FNBP1: variants seen among roughly 807,000 people sequenced by gnomAD.
FNBP1 encodes formin-binding protein 1.
Under a neutral mutation model 90.6 loss-of-function variants are expected in FNBP1, and 26 were observed. That is an observed-to-expected ratio of 0.29 (90% confidence interval 0.21 to 0.40). The LOEUF is 0.40. FNBP1 is among the 10% of genes least tolerant of loss of function. The pLI, the probability that FNBP1 is intolerant of heterozygous loss-of-function variation, is 1.00. For missense variants in FNBP1, 635 were observed against 768.0 expected, an observed-to-expected ratio of 0.83 and a Z score of 2.05; for synonymous variants, 260 against 265.2, an observed-to-expected ratio of 0.98 and a Z score of 0.19.
At chr9:130,050,236 G>A in the FNBP1 span, among the ~76,000 whole-genome samples, 30 of 152,290 alleles carry the variant, frequency 2.0e-4, no homozygotes, top group Admixed American at 1.8e-3. Flanking sequence ...GGAACTCCAT[G>A]GTGAGTGAAA....
At chr9:130,017,908 C>A (rs1589289456) in intron 1 of FNBP1, among the ~76,000 whole-genome samples, 3 of 115,186 alleles carry the variant, frequency 2.6e-5, no homozygotes, top group Non-Finnish European at 1.8e-5. Flanking sequence ...CCCAATACAA[C>A]ACTCTTCTTT....
At chr9:130,011,972 T>C (rs929387960) in intron 1 of FNBP1, among the ~76,000 whole-genome samples, 4 of 152,050 alleles carry the variant, frequency 2.6e-5, no homozygotes, top group African/African-American at 7.3e-5. Context: ...AACAACAAGG[T>C]AGGAATAGTA....
intron 2 of FNBP1, among the ~76,000 whole-genome samples, chr9:129,992,325 C>G (rs74708711): frequency 0.066 from 10,025 of 152,232 alleles, 441 homozygotes; most frequent in Admixed American, 0.12. Flanking sequence ...TGTTCTATTC[C>G]TACTTTCAGT....
chr9:130,026,965 CAA>C (rs765168982), intron 1 of FNBP1, among the ~76,000 whole-genome samples: 64 of 75,968 alleles, frequency 8.4e-4, no homozygotes, highest in Non-Finnish European at 8.4e-4. Context: ...GACCCTGTCT[CAA>C]AAAAAAAAAA....
At chr9:129,948,127 G>A (rs373597258) in intron 6 of FNBP1, among the ~76,000 whole-genome samples, 13 of 151,676 alleles carry the variant, frequency 8.6e-5, no homozygotes, top group South Asian at 4.2e-4. Context: ...CCGTCTCTAC[G>A]CTGTGCATGG....
chr9:130,028,881 C>T (rs1454297932), intron 1 of FNBP1, among the ~76,000 whole-genome samples: 4 of 152,184 alleles, frequency 2.6e-5, no homozygotes, highest in African/African-American at 9.7e-5. Flanking sequence ...GCTCCAGATG[C>T]ATATACTAGG....
chr9:129,926,893 A>AAAAAAAAAAAAG, intron 8 of FNBP1, among the ~76,000 whole-genome samples: 1 of 148,842 alleles, frequency 6.7e-6, no homozygotes, highest in African/African-American at 2.5e-5. Context: ...CTCAAAAAGA[A>AAAAAAAAAAAAG]AAAAAAAAAA....
intron 10 of FNBP1, among the ~76,000 whole-genome samples, chr9:129,922,279 T>C (rs1376815355): frequency 6.6e-6 from 1 of 152,230 alleles, no homozygotes; most frequent in African/African-American, 2.4e-5. Context: ...GGTATCTACA[T>C]TGGATGGCTG....
intron 1 of FNBP1, among the ~76,000 whole-genome samples, chr9:130,027,927 A>C (rs573669168): frequency 6.6e-6 from 1 of 152,168 alleles, no homozygotes; most frequent in East Asian, 1.9e-4. Flanking sequence ...TTCAGAAATC[A>C]TTAAAAAAAA....
chr9:129,887,970 T>C lies in FNBP1; in HGVS notation c.*2569A>G. 1 of 232,562 alleles carries C rather than the reference T, an allele frequency of 4.3e-6. No individual in the cohort carries two copies. The highest frequency in any genetic ancestry group is 8.5e-6 in the Non-Finnish European group (1 of 117,610). 14.4% of individuals were successfully genotyped at this position (232,562 alleles called of 1,614,324 possible). On this transcript the variant is annotated 3_prime_UTR_variant, in exon 17 of 17. Coordinates refer to ENST00000446176, the MANE Select transcript of FNBP1 (RefSeq NM_015033.3). ...ATGATACATAGGACAACTGACCTCC[T>C]CTAAGAAGCCCGGCTGGGGCAGCAG... is the stretch of plus-strand genomic sequence containing the variant.
chr9:129,967,278 G>A (rs980521614), intron 4 of FNBP1, among the ~76,000 whole-genome samples: 2 of 152,212 alleles, frequency 1.3e-5, no homozygotes, highest in African/African-American at 4.8e-5. Context: ...CACTATGGGA[G>A]GCAAAGGCAG....
At chr9:130,004,587 A>C (rs1011137596) in intron 1 of FNBP1, among the ~76,000 whole-genome samples, 1 of 152,228 alleles carries the variant, frequency 6.6e-6, no homozygotes, top group African/African-American at 2.4e-5. Flanking sequence ...GGCTCTGTTT[A>C]AACAGAATCC....
At position 129,902,881 on chromosome 9, in the gene FNBP1, G is replaced by C. The variant is rs764471736; in HGVS notation, c.1416C>G (p.Thr472=). Residue 472 remains threonine (T), a synonymous_variant, in exon 13 of 17, where the codon ACC becomes ACG. Coordinates refer to ENST00000446176, the MANE Select transcript of FNBP1 (RefSeq NM_015033.3). ...AGAAGTTTCATACCTCAAATTTCTG[G>C]GTCTCTACTCGCAGTTTCTCTATAT... ...SQNIEKLRVE[T]QKFEAWLAEV... 3 of 1,613,150 alleles carry C rather than the reference G, an allele frequency of 1.9e-6. No homozygotes were observed. Among genetic ancestry groups the C allele is most frequent in the Non-Finnish European group, 2.5e-6 (3 of 1,179,774 alleles).
At chr9:129,968,322 G>A (rs1287675655) in intron 4 of FNBP1, among the ~76,000 whole-genome samples, 1 of 150,526 alleles carries the variant, frequency 6.6e-6, no homozygotes, top group Non-Finnish European at 1.5e-5. Flanking sequence ...TTGACCCTGG[G>A]AGGCAGAGGT....
chr9:130,017,952 C>G (rs577442368), intron 1 of FNBP1, among the ~76,000 whole-genome samples: 5 of 117,578 alleles, frequency 4.3e-5, no homozygotes, highest in Non-Finnish European at 6.6e-5. Context: ...TTCACTCTGT[C>G]GCCCAGGCTG....
chr9:130,005,455 C>T (rs1294745549), intron 1 of FNBP1, among the ~76,000 whole-genome samples: 1 of 151,428 alleles, frequency 6.6e-6, no homozygotes, highest in African/African-American at 2.4e-5. Context: ...GATTCTCCTG[C>T]CTCAGCCTCC....
At chr9:130,013,875 T>A in intron 1 of FNBP1, 1 of 431,470 alleles carries the variant, frequency 2.3e-6, no homozygotes, top group Non-Finnish European at 4.6e-6. Context: ...TCTCTTGCCC[T>A]AAGTGGCAAA....
At chr9:129,987,702 T>C (rs917834932) in intron 2 of FNBP1, among the ~76,000 whole-genome samples, 25 of 151,934 alleles carry the variant, frequency 1.6e-4, no homozygotes, top group African/African-American at 6.1e-4. Context: ...GGTTTCACCA[T>C]GTTGGCCAGG....
intron 4 of FNBP1, among the ~76,000 whole-genome samples, chr9:129,959,406 T>C (rs951802256): frequency 6.6e-6 from 1 of 151,596 alleles, no homozygotes; most frequent in Non-Finnish European, 1.5e-5. Context: ...CTGGCCAATA[T>C]GGTGAAACCC....
Sources: allele counts gnomAD v4.1 joint callset (sites outside exome capture counted in the v4.1 genomes callset), GRCh38; gene constraint gnomAD v4.1.1; transcripts MANE v1.5; gene names NCBI Gene and HGNC (gene_info 2026-07-23, HGNC 2026-07-21).